Variants in ACTR3C observed in about 807,000 individuals in gnomAD.
ACTR3C encodes the protein actin related protein 3C.
Under a neutral mutation model 26.3 loss-of-function variants are expected in ACTR3C, and 18 were observed. The observed-to-expected ratio is 0.68, with a 90% CI of 0.47 to 1.01. The LOEUF is 1.01. Among genes scored for constraint, ACTR3C ranks in the 50% least tolerant of loss-of-function variants. The pLI is 0.00. For synonymous variants in ACTR3C, 55 were observed against 94.5 expected, an observed-to-expected ratio of 0.58 and a Z score of 2.42; for missense variants, 184 against 250.7, an observed-to-expected ratio of 0.73 and a Z score of 1.80.
chr7:149,958,348 T>C, the ACTR3C span, among the ~76,000 whole-genome samples: 1 of 152,174 alleles, frequency 6.6e-6, no homozygotes, highest in African/African-American at 2.4e-5. Flanking sequence ...ACGATCTTGA[T>C]CCACCATAGC....
chr7:149,914,882 C>CT, the ACTR3C span, among the ~76,000 whole-genome samples: 17 of 131,056 alleles, frequency 1.3e-4, no homozygotes, highest in African/African-American at 4.5e-4. Flanking sequence ...AAATTTAATT[C>CT]TTTTTTTTTT....
At chr7:149,914,902 C>T in the ACTR3C span, among the ~76,000 whole-genome samples, 26 of 139,240 alleles carry the variant, frequency 1.9e-4, no homozygotes, top group African/African-American at 6.2e-4. Flanking sequence ...TTTTTTTGGA[C>T]GGAGTCTTGC....
At chr7:149,942,280 A>G in the ACTR3C span, among the ~76,000 whole-genome samples, 1 of 152,194 alleles carries the variant, frequency 6.6e-6, no homozygotes, top group Non-Finnish European at 1.5e-5. Flanking sequence ...CAGTCAATCT[A>G]GCTCTAAAAT....
At chr7:150,041,155 C>T in the ACTR3C span, among the ~76,000 whole-genome samples, 4 of 150,546 alleles carry the variant, frequency 2.7e-5, no homozygotes, top group South Asian at 8.4e-4. Context: ...TCTTGTAACT[C>T]ATGAAAAACT....
chr7:149,982,833 CA>C, the ACTR3C span, among the ~76,000 whole-genome samples: 1 of 152,086 alleles, frequency 6.6e-6, no homozygotes, highest in Non-Finnish European at 1.5e-5. Flanking sequence ...CATCCGCAAA[CA>C]GAGATAATTT....
chr7:150,317,337 G>A (rs1585016322), intron 1 of ACTR3C, among the ~76,000 whole-genome samples: 2 of 152,190 alleles, frequency 1.3e-5, no homozygotes, highest in African/African-American at 4.8e-5. Context: ...ACAGGTGTAG[G>A]CCACTGCGCC....
the ACTR3C span, among the ~76,000 whole-genome samples, chr7:149,889,380 G>A: frequency 2.6e-5 from 4 of 152,280 alleles, no homozygotes; most frequent in East Asian, 3.9e-4. Flanking sequence ...GGAAAAGATC[G>A]CTGTGGTACA....
chr7:150,049,717 C>T, the ACTR3C span, among the ~76,000 whole-genome samples: 4 of 151,736 alleles, frequency 2.6e-5, no homozygotes, highest in African/African-American at 9.7e-5. Flanking sequence ...AGAGACCTCC[C>T]TTCAGTCCCT....
At chr7:150,211,551 G>A in the ACTR3C span, among the ~76,000 whole-genome samples, 1 of 150,654 alleles carries the variant, frequency 6.6e-6, no homozygotes, top group Non-Finnish European at 1.5e-5. Context: ...AAAGTGCTAG[G>A]ATTACATGTG....
the ACTR3C span, among the ~76,000 whole-genome samples, chr7:149,958,790 A>T: frequency 1.4e-4 from 21 of 152,334 alleles, no homozygotes; most frequent in African/African-American, 3.8e-4. Context: ...TCGTTTGCAA[A>T]GAAGAGGTAT....
the ACTR3C span, among the ~76,000 whole-genome samples, chr7:150,161,442 C>A: frequency 4.6e-5 from 7 of 151,590 alleles, no homozygotes; most frequent in Non-Finnish European, 1.0e-4. Context: ...TCAATTACCA[C>A]ATATGAGTGA....
At chr7:150,170,579 C>G in the ACTR3C span, among the ~76,000 whole-genome samples, 2 of 150,736 alleles carry the variant, frequency 1.3e-5, no homozygotes, top group African/African-American at 5.0e-5. Context: ...CCCCAGAGAT[C>G]AGGTTGGTAA....
chr7:150,054,917 G>C, the ACTR3C span, among the ~76,000 whole-genome samples: 2 of 152,222 alleles, frequency 1.3e-5, no homozygotes, highest in Non-Finnish European at 2.9e-5. Flanking sequence ...AAGCAAGACT[G>C]ATACTACACA....
At chr7:150,020,719 A>G in the ACTR3C span, among the ~76,000 whole-genome samples, 2 of 151,968 alleles carry the variant, frequency 1.3e-5, no homozygotes, top group African/African-American at 4.8e-5. Flanking sequence ...CTAATCTATT[A>G]TTACTTAATC....
chr7:150,036,924 G>C, the ACTR3C span, among the ~76,000 whole-genome samples: 7 of 104,044 alleles, frequency 6.7e-5, no homozygotes, highest in East Asian at 4.7e-4. Flanking sequence ...CCCCCTCTGC[G>C]ATGGGGGTCC....
chr7:150,195,334 A>C, the ACTR3C span, among the ~76,000 whole-genome samples: 19 of 151,778 alleles, frequency 1.3e-4, no homozygotes, highest in Non-Finnish European at 2.2e-4. Flanking sequence ...ATTTTCCTTT[A>C]TTTCTTTTTA....
At chr7:150,020,982 G>A in the ACTR3C span, among the ~76,000 whole-genome samples, 2 of 151,950 alleles carry the variant, frequency 1.3e-5, no homozygotes, top group Non-Finnish European at 2.9e-5. Context: ...CACCGTGCAT[G>A]GCTAATTTTT....
chr7:150,315,302 A>G (rs1327261969), intron 1 of ACTR3C, among the ~76,000 whole-genome samples: 1 of 152,074 alleles, frequency 6.6e-6, no homozygotes, highest in Non-Finnish European at 1.5e-5. Context: ...GTCCTGCTAA[A>G]ACATGATTAA....
the ACTR3C span, among the ~76,000 whole-genome samples, chr7:150,169,685 G>A: frequency 6.6e-6 from 1 of 150,824 alleles, no homozygotes; most frequent in Admixed American, 6.6e-5. Context: ...TATTGAAATA[G>A]AAAGACACAA....
Sources: gnomAD v4.1 joint callset for allele counts (sites outside exome capture counted in the v4.1 genomes callset) on GRCh38, gnomAD v4.1.1 for gene constraint, MANE v1.5 for transcripts, NCBI Gene and HGNC (gene_info 2026-07-23, HGNC 2026-07-21) for gene names.